The following SIL1 variants were observed in gnomAD, a reference collection of about 807,000 sequenced individuals.
SIL1 encodes nucleotide exchange factor SIL1.
A neutral mutation model predicts 49.1 loss-of-function variants in SIL1; 40 were observed. The ratio of observed to expected loss-of-function variants is 0.81; its 90% CI spans 0.63 to 1.06. The LOEUF is 1.06. Among genes scored for constraint, SIL1 ranks in the 50% least tolerant of loss-of-function variants. The pLI is 0.00. For missense variants in SIL1, 500 were observed against 572.6 expected (o/e 0.87, Z 1.29); for synonymous variants, 253 against 250.8 (o/e 1.01, Z -0.08).
intron 7 of SIL1, among the ~76,000 whole-genome samples, chr5:138,976,310 CT>C (rs542941622): frequency 0.016 from 2,153 of 134,408 alleles, 24 homozygotes; most frequent in African/African-American, 0.049. Context: ...TATTACCTCT[CT>C]TTTTTTTTTT....
chr5:139,034,120 A>G (rs545462835), intron 5 of SIL1, among the ~76,000 whole-genome samples: 1 of 152,264 alleles, frequency 6.6e-6, no homozygotes, highest in Non-Finnish European at 1.5e-5. Flanking sequence ...CAACTTTGAT[A>G]TTAATATAGT....
At chr5:139,096,874 C>T (rs906844143) in intron 3 of SIL1, among the ~76,000 whole-genome samples, 1 of 151,872 alleles carries the variant, frequency 6.6e-6, no homozygotes, top group South Asian at 2.1e-4. Context: ...GGTAGAGCAC[C>T]AAGCAGGGCC....
intron 9 of SIL1, among the ~76,000 whole-genome samples, chr5:138,949,882 A>C (rs1039246082): frequency 1.2e-4 from 18 of 152,156 alleles, no homozygotes; most frequent in Admixed American, 4.6e-4. Context: ...TGACTGCCTC[A>C]GCCCAAGTAC....
chr5:139,190,457 C>T (rs920024189), intron 1 of SIL1, among the ~76,000 whole-genome samples: 88 of 152,318 alleles, frequency 5.8e-4, no homozygotes, highest in African/African-American at 2.1e-3. Context: ...GAGACAGGGC[C>T]TCCTCCTTCC....
intron 1 of SIL1, among the ~76,000 whole-genome samples, chr5:139,182,026 T>A (rs772145496): frequency 6.6e-6 from 1 of 152,132 alleles, no homozygotes. Flanking sequence ...GGAAGGTTAT[T>A]TGAATTTAAA....
chr5:138,983,198 CAAAAAA>C (rs33926268), intron 7 of SIL1, among the ~76,000 whole-genome samples: 3 of 28,118 alleles, frequency 1.1e-4, no homozygotes, highest in South Asian at 7.1e-3. Flanking sequence ...GACACTGTCT[CAAAAAA>C]AAAAAAAAAA....
intron 7 of SIL1, among the ~76,000 whole-genome samples, chr5:138,975,777 G>A (rs1363017609): frequency 6.6e-6 from 1 of 152,232 alleles, no homozygotes; most frequent in East Asian, 1.9e-4. Context: ...GAAACTCACA[G>A]AGAGAGAAAC....
chr5:138,993,560 G>A (rs1767801170), intron 7 of SIL1, among the ~76,000 whole-genome samples: 2 of 152,172 alleles, frequency 1.3e-5, no homozygotes, highest in African/African-American at 4.8e-5. Flanking sequence ...ATACGACTAT[G>A]TGTATGTGAT....
At chr5:139,156,311 T>C (rs767245513) in intron 1 of SIL1, among the ~76,000 whole-genome samples, 1 of 152,096 alleles carries the variant, frequency 6.6e-6, no homozygotes, top group African/African-American at 2.4e-5. Context: ...GAAAGTCACT[T>C]GCCCAAGGTA....
intron 1 of SIL1, among the ~76,000 whole-genome samples, chr5:139,166,897 C>T (rs1417750966): frequency 2.0e-5 from 3 of 152,212 alleles, no homozygotes; most frequent in Non-Finnish European, 4.4e-5. Flanking sequence ...CAAGCTCTGC[C>T]TCCCAAGTGC....
intron 3 of SIL1, among the ~76,000 whole-genome samples, chr5:139,118,254 T>C (rs1225186342): frequency 6.6e-6 from 1 of 152,176 alleles, no homozygotes; most frequent in Non-Finnish European, 1.5e-5. Flanking sequence ...CCCTTTCCCA[T>C]GTAAAGCCAT....
intron 7 of SIL1, chr5:139,016,971 C>G (rs932618828): frequency 2.6e-5 from 4 of 152,152 alleles, no homozygotes; most frequent in African/African-American, 7.2e-5. Context: ...TTCAGCCTCT[C>G]GAGTAGCATA....
intron 4 of SIL1, among the ~76,000 whole-genome samples, chr5:139,044,972 A>G (rs138552261): frequency 9.5e-4 from 144 of 152,320 alleles, no homozygotes; most frequent in African/African-American, 3.4e-3. Flanking sequence ...AAAATTACCA[A>G]TAATTGATGA....
chr5:139,084,975 G>A (rs1015159455), intron 3 of SIL1, among the ~76,000 whole-genome samples: 1 of 152,070 alleles, frequency 6.6e-6, no homozygotes, highest in African/African-American at 2.4e-5. Flanking sequence ...CATACATACT[G>A]TTGTGCAACA....
At chr5:138,986,905 C>T (rs1401657777) in intron 7 of SIL1, among the ~76,000 whole-genome samples, 1 of 151,916 alleles carries the variant, frequency 6.6e-6, no homozygotes, top group Non-Finnish European at 1.5e-5. Context: ...AATTCCTGCC[C>T]CCAAATCCTT....
At chr5:139,030,379 G>C (rs953530717) in intron 5 of SIL1, among the ~76,000 whole-genome samples, 19 of 151,800 alleles carry the variant, frequency 1.3e-4, no homozygotes, top group Admixed American at 9.2e-4. Flanking sequence ...TGGGAGGCTG[G>C]GGCAGGAGAA....
intron 1 of SIL1, among the ~76,000 whole-genome samples, chr5:139,140,647 A>T (rs1207975023): frequency 6.6e-6 from 1 of 152,186 alleles, no homozygotes; most frequent in African/African-American, 2.4e-5. Flanking sequence ...CACGGCTTTC[A>T]CAATCCCACC....
At chr5:139,029,532 C>T (rs1001200402) in intron 5 of SIL1, among the ~76,000 whole-genome samples, 2 of 151,968 alleles carry the variant, frequency 1.3e-5, no homozygotes, top group Non-Finnish European at 2.9e-5. Flanking sequence ...GTCAGGGTCT[C>T]GCTCTATTGC....
chr5:138,964,330 A>G (rs1038257581), intron 7 of SIL1, among the ~76,000 whole-genome samples: 9 of 152,286 alleles, frequency 5.9e-5, no homozygotes, highest in African/African-American at 2.2e-4. Flanking sequence ...GCCGACAGAG[A>G]CGCGCAGAGA....
Sources: allele counts gnomAD v4.1 joint callset (sites outside exome capture counted in the v4.1 genomes callset), GRCh38; gene constraint gnomAD v4.1.1; transcripts MANE v1.5; gene names NCBI Gene and HGNC (gene_info 2026-07-23, HGNC 2026-07-21).